The following KHDRBS2 variants were observed in gnomAD, a reference collection of about 807,000 sequenced individuals.
KHDRBS2 encodes the protein KH RNA binding domain containing, signal transduction associated 2.
Under a neutral mutation model 44.3 loss-of-function variants are expected in KHDRBS2, and 26 were observed. That is an observed-to-expected ratio of 0.59 (90% CI 0.43 to 0.81). The LOEUF (loss-of-function observed/expected upper bound fraction) is 0.81. Among genes scored for constraint, KHDRBS2 ranks in the 40% least tolerant of loss-of-function variants. KHDRBS2 has a pLI of 0.00. For missense variants in KHDRBS2, 476 were observed against 433.1 expected, an observed-to-expected ratio of 1.10 and a Z score of -0.88; for synonymous variants, 194 against 151.1, an observed-to-expected ratio of 1.28 and a Z score of -2.08.
At position 62,187,614 on chromosome 6, in the gene KHDRBS2, C is replaced by G. The variant is rs572034343; in HGVS notation, c.92-10302G>C. Among the ~76,000 whole-genome samples, 6 of 152,194 alleles carry G rather than the reference C, an allele frequency of 3.9e-5. No homozygotes were observed. The South Asian group carries it at 1.2e-3, about 32-fold the overall frequency. On this transcript the variant is annotated intron_variant, in intron 1 of 8. Coordinates refer to ENST00000281156, the MANE Select transcript of KHDRBS2 (RefSeq NM_152688.4). ...CATATGCATACAGCCATGACTCCAT[C>G]ACTGCAATTAGTATACTAAATATAT...
chr6:61,756,758 G>A (rs1778551599), intron 6 of KHDRBS2, among the ~76,000 whole-genome samples: 2 of 152,208 alleles, frequency 1.3e-5, no homozygotes, highest in African/African-American at 4.8e-5. Flanking sequence ...GCAAACTAGT[G>A]TGTAGACACA....
At chr6:62,248,656 T>C (rs1169020374) in intron 1 of KHDRBS2, among the ~76,000 whole-genome samples, 11 of 152,078 alleles carry the variant, frequency 7.2e-5, no homozygotes, top group East Asian at 1.9e-4. Flanking sequence ...CCTTGAATTA[T>C]TGAAGATATT....
intron 6 of KHDRBS2, among the ~76,000 whole-genome samples, chr6:61,800,502 T>C (rs1396250218): frequency 6.6e-6 from 1 of 152,162 alleles, no homozygotes; most frequent in Non-Finnish European, 1.5e-5. Flanking sequence ...GGATCTATAC[T>C]GGGACATAGT....
At chr6:61,884,721 G>T (rs889979956) in intron 6 of KHDRBS2, among the ~76,000 whole-genome samples, 1 of 146,644 alleles carries the variant, frequency 6.8e-6, no homozygotes, top group African/African-American at 2.6e-5. Flanking sequence ...TAAAAGGACC[G>T]CATTTCCACA....
At chr6:62,193,841 C>A (rs560694505) in intron 1 of KHDRBS2, among the ~76,000 whole-genome samples, 1 of 152,174 alleles carries the variant, frequency 6.6e-6, no homozygotes, top group South Asian at 2.1e-4. Flanking sequence ...AAGTTGAGCA[C>A]ATATTAACAT....
chr6:62,108,746 A>C (rs192936210), intron 2 of KHDRBS2, among the ~76,000 whole-genome samples: 3 of 152,302 alleles, frequency 2.0e-5, no homozygotes, highest in African/African-American at 7.2e-5. Flanking sequence ...GCATATATAC[A>C]CCATGGAATA....
chr6:61,938,980 T>A (rs1399922565), intron 4 of KHDRBS2, among the ~76,000 whole-genome samples: 1 of 152,176 alleles, frequency 6.6e-6, no homozygotes, highest in African/African-American at 2.4e-5. Flanking sequence ...CAGTGGAGGC[T>A]ATTTGCCTCT....
chr6:61,927,941 T>A (rs1809277272), intron 4 of KHDRBS2, among the ~76,000 whole-genome samples: 2 of 152,144 alleles, frequency 1.3e-5, no homozygotes, highest in African/African-American at 4.8e-5. Context: ...GTTATGCAGA[T>A]ACAGAGATTG....
At chr6:61,801,034 C>A (rs1786173969) in intron 6 of KHDRBS2, among the ~76,000 whole-genome samples, 2 of 152,256 alleles carry the variant, frequency 1.3e-5, no homozygotes, top group Non-Finnish European at 2.9e-5. Context: ...TTGCACCTGT[C>A]TAAGGATGAT....
intron 4 of KHDRBS2, among the ~76,000 whole-genome samples, chr6:61,951,366 G>C (rs1239589013): frequency 6.6e-6 from 1 of 151,972 alleles, no homozygotes; most frequent in East Asian, 1.9e-4. Flanking sequence ...AAAGTAACTG[G>C]ACAATTTATA....
At chr6:62,066,123 C>T (rs1395686793) in intron 2 of KHDRBS2, among the ~76,000 whole-genome samples, 1 of 148,680 alleles carries the variant, frequency 6.7e-6, no homozygotes, top group Non-Finnish European at 1.5e-5. Flanking sequence ...CAAAAAGATT[C>T]ATTAAAAATA....
At chr6:61,955,092 A>C (rs1262881987) in intron 4 of KHDRBS2, among the ~76,000 whole-genome samples, 2 of 123,674 alleles carry the variant, frequency 1.6e-5, no homozygotes, top group African/African-American at 5.6e-5. Flanking sequence ...GTATGCATAC[A>C]TATATGTATA....
chr6:62,119,955 C>T (rs914284966), intron 2 of KHDRBS2, among the ~76,000 whole-genome samples: 2 of 152,160 alleles, frequency 1.3e-5, no homozygotes, highest in East Asian at 1.9e-4. Flanking sequence ...CAGTGCACTA[C>T]TCCCCAAAAG....
intron 6 of KHDRBS2, among the ~76,000 whole-genome samples, chr6:61,818,031 C>A (rs1789261561): frequency 6.6e-6 from 1 of 151,802 alleles, no homozygotes; most frequent in Non-Finnish European, 1.5e-5. Context: ...GTCTTAAAAC[C>A]CAGAGGCTTG....
chr6:62,239,106 T>A (rs1445591285), intron 1 of KHDRBS2, among the ~76,000 whole-genome samples: 1 of 152,198 alleles, frequency 6.6e-6, no homozygotes, highest in Admixed American at 6.5e-5. Context: ...ACTATGTAAA[T>A]TAAGTATTAT....
At chr6:61,809,561 A>G (rs1158446262) in intron 6 of KHDRBS2, among the ~76,000 whole-genome samples, 5 of 152,170 alleles carry the variant, frequency 3.3e-5, no homozygotes, top group Non-Finnish European at 7.4e-5. Context: ...ATGTCAAATC[A>G]ATAAAAAAAA....
intron 6 of KHDRBS2, among the ~76,000 whole-genome samples, chr6:61,796,699 T>C (rs1332798373): frequency 1.3e-5 from 2 of 152,160 alleles, no homozygotes; most frequent in Non-Finnish European, 2.9e-5. Context: ...TAATTTTGGT[T>C]ATGTACAAAA....
intron 4 of KHDRBS2, among the ~76,000 whole-genome samples, chr6:61,967,637 G>C (rs1231025983): frequency 1.3e-5 from 2 of 151,824 alleles, no homozygotes; most frequent in Non-Finnish European, 2.9e-5. Context: ...GTGGAGGTAA[G>C]CAAGTCGGTT....
intron 6 of KHDRBS2, among the ~76,000 whole-genome samples, chr6:61,780,517 T>C (rs1466875367): frequency 1.3e-5 from 2 of 150,532 alleles, no homozygotes; most frequent in Non-Finnish European, 2.9e-5. Context: ...AAATATAATA[T>C]AATAAAATAA....
Sources: allele counts gnomAD v4.1 joint callset (sites outside exome capture counted in the v4.1 genomes callset), GRCh38; gene constraint gnomAD v4.1.1; transcripts MANE v1.5; gene names NCBI Gene and HGNC (gene_info 2026-07-23, HGNC 2026-07-21).